The following WDR45B variants were observed in gnomAD, a reference collection of about 807,000 sequenced individuals.
WDR45B encodes the protein WD repeat domain 45B, also known as WD repeat domain phosphoinositide-interacting protein 3.
In WDR45B, 20 loss-of-function variants were observed where a neutral mutation model predicts 44.6. The observed-to-expected ratio is 0.45, with a 90% CI of 0.32 to 0.65. The LOEUF (loss-of-function observed/expected upper bound fraction) is 0.65. Among genes scored for constraint, WDR45B ranks in the 30% least tolerant of loss-of-function variants. The probability of loss-of-function intolerance (pLI) is 0.05; values close to 1 mark genes in which losing one functional copy is unlikely to be tolerated. For synonymous variants in WDR45B, 169 were observed against 164.9 expected, an observed-to-expected ratio of 1.02 and a Z score of -0.19; for missense variants, 323 against 430.2, an observed-to-expected ratio of 0.75 and a Z score of 2.20.
chr17:82,627,210 C>T lies in WDR45B; in HGVS notation c.326G>A (p.Arg109Gln), dbSNP rs2045708964. ...TTACTGACACCAAACCCACCTATCT[C>T]GCCGCAGCTTGACTGCCTTGACTTC... ...STEVKAVKLR[R>Q]DRIVVVLDSM... is the part of the protein sequence containing the mutation. The change falls in exon 4 of 10, where the codon CGA becomes CAA. Residue 109 changes from arginine (R) to glutamine (Q), a missense_variant. Transcript: ENST00000392325. 5 of 1,613,012 alleles carry T rather than the reference C, an allele frequency of 3.1e-6. No homozygotes were observed. The highest frequency in any genetic ancestry group is 1.1e-5 in the South Asian group (1 of 91,048).
chr17:82,624,542 G>A (rs1219798281), intron 5 of WDR45B, among the ~76,000 whole-genome samples: 5 of 151,986 alleles, frequency 3.3e-5, no homozygotes, highest in African/African-American at 1.2e-4. Context: ...TTACAGGCGT[G>A]AGCCACTGCG....
chr17:82,622,832 C>T (rs2045637048), intron 5 of WDR45B, among the ~76,000 whole-genome samples: 1 of 150,452 alleles, frequency 6.6e-6, no homozygotes, highest in Non-Finnish European at 1.5e-5. Context: ...AAGACAGAAA[C>T]ACAGATCAAT....
intron 2 of WDR45B, among the ~76,000 whole-genome samples, chr17:82,632,048 T>C (rs1490922111): frequency 2.0e-5 from 3 of 151,364 alleles, no homozygotes; most frequent in Non-Finnish European, 4.4e-5. Flanking sequence ...ACCACTGCAC[T>C]CCAGCCTGGT....
chr17:82,618,111 G>A (rs967204090), intron 7 of WDR45B, among the ~76,000 whole-genome samples: 2 of 152,070 alleles, frequency 1.3e-5, no homozygotes, highest in South Asian at 2.1e-4. Context: ...TGTATTTTTA[G>A]TAGAGATGGG....
At chr17:82,638,909 G>A (rs746890111) in intron 2 of WDR45B, among the ~76,000 whole-genome samples, 4 of 151,824 alleles carry the variant, frequency 2.6e-5, no homozygotes, top group Non-Finnish European at 5.9e-5. Flanking sequence ...TGTAACCTCC[G>A]CCTCCTGGGT....
chr17:82,628,513 A>C (rs918226220), intron 3 of WDR45B, among the ~76,000 whole-genome samples: 1 of 151,768 alleles, frequency 6.6e-6, no homozygotes, highest in Non-Finnish European at 1.5e-5. Context: ...CTGGGGTGTG[A>C]GATCGCTTGA....
intron 2 of WDR45B, among the ~76,000 whole-genome samples, chr17:82,631,328 G>C: frequency 7.6e-6 from 1 of 132,444 alleles, no homozygotes; most frequent in Non-Finnish European, 1.6e-5. Context: ...CTGTCACCCA[G>C]GCTAGAGTGC....
chr17:82,615,726 C>T lies in WDR45B; in HGVS notation c.*193G>A. On this transcript the variant is annotated 3_prime_UTR_variant, in exon 10 of 10. Transcript: ENST00000392325. ...CACAGCCACTGAGTTACCTACGGTG[C>T]CTTGATGATGATTCTCTCTTTAATA... is the stretch of plus-strand genomic sequence containing the variant. 1.6e-6 allele frequency: 1 copy of T among 613,282 alleles called. No homozygotes were observed. The highest frequency in any genetic ancestry group is 2.9e-6 in the Non-Finnish European group (1 of 342,056). The allele number at this position is 613,282 out of a possible 1,614,324, so 38.0% of individuals were successfully genotyped here.
Position 82,648,439 on chromosome 17 carries a change from G to T in WDR45B, c.-99C>A. On this transcript the variant is annotated 5_prime_UTR_variant, in exon 1 of 10. Transcript: ENST00000392325. ...GGCCGGCGCTGAGGCCGCCGCGGCC[G>T]GAAGTGCCGGACGTACGTGCGTGCG... 7.0e-7 allele frequency: 1 copy of T among 1,427,320 alleles called. No individual in the cohort carries two copies. Among genetic ancestry groups the T allele is most frequent in the Non-Finnish European group, 9.5e-7 (1 of 1,051,790 alleles). The allele number at this position is 1,427,320 out of a possible 1,614,324, so 88.4% of individuals were successfully genotyped here.
chr17:82,619,098 A>G lies in WDR45B; in HGVS notation c.649T>C (p.Ser217Pro). The G allele has an allele frequency of 1.2e-6, 2 of 1,614,240 alleles. No homozygotes were observed. The highest frequency in any genetic ancestry group is 1.7e-6 in the Non-Finnish European group (2 of 1,180,044). ...CGCAGTTCCTGGATTAAATGCCCTGATGAAGTATCAAATATTCTTATAAGC... is the reference window on the plus strand; with the variant it reads ...CGCAGTTCCTGGATTAAATGCCCTGGTGAAGTATCAAATATTCTTATAAGC... ...GTLIRIFDTS[S>P]GHLIQELRRG... Residue 217 changes from serine (S) to proline (P), a missense_variant, in exon 7 of 10, where the codon TCA becomes CCA. By Grantham distance (74) the Ser-to-Pro change is moderately conservative (BLOSUM62 -1). Transcript: ENST00000392325.
Position 82,615,802 on chromosome 17 carries a change from C to G in WDR45B, c.*117G>C. On this transcript the variant is annotated 3_prime_UTR_variant, in exon 10 of 10. Transcript: ENST00000392325. The stretch of plus-strand genomic sequence containing the variant: ...CAGACAACCACGTATGGCTTCGAGA[C>G]CAAGGTCCCTGGGCAGCCCCTCCAG... 1 of 910,468 alleles carries G rather than the reference C, an allele frequency of 1.1e-6. No individual in the cohort carries two copies. Among genetic ancestry groups the G allele is most frequent in the Non-Finnish European group, 1.8e-6 (1 of 553,236 alleles). 56.4% of individuals were successfully genotyped at this position (910,468 alleles called of 1,614,324 possible).
At chr17:82,639,991 G>A (rs886874111) in intron 2 of WDR45B, among the ~76,000 whole-genome samples, 7 of 151,892 alleles carry the variant, frequency 4.6e-5, no homozygotes, top group Non-Finnish European at 1.0e-4. Context: ...GGGTGGCTGG[G>A]CTGTGTGTGT....
chr17:82,615,790 A>T lies in WDR45B; in HGVS notation c.*129T>A. 1.2e-6 allele frequency: 1 copy of T among 805,582 alleles called. No individual in the cohort carries two copies. The highest frequency in any genetic ancestry group is 2.1e-6 in the Non-Finnish European group (1 of 466,308). 49.9% of individuals were successfully genotyped at this position (805,582 alleles called of 1,614,324 possible). A position where few individuals can be genotyped will look rare whatever the true frequency, so the allele number is the denominator to read the frequency against. ...TCCTTAGGAAAGCAGACAACCACGT[A>T]TGGCTTCGAGACCAAGGTCCCTGGG... On this transcript the variant is annotated 3_prime_UTR_variant, in exon 10 of 10. Transcript: ENST00000392325.
intron 5 of WDR45B, among the ~76,000 whole-genome samples, chr17:82,624,639 G>A (rs2045668749): frequency 8.6e-6 from 1 of 116,862 alleles, no homozygotes; most frequent in Non-Finnish European, 1.7e-5. Context: ...TTTTTTTTGA[G>A]ATAGAGTCTT....
intron 2 of WDR45B, among the ~76,000 whole-genome samples, chr17:82,635,612 G>A (rs2045822932): frequency 1.3e-5 from 2 of 151,264 alleles, no homozygotes; most frequent in African/African-American, 4.9e-5. Context: ...TAGTAGAGAC[G>A]GCGTTTCACC....
At chr17:82,639,420 T>G (rs1409308532) in intron 2 of WDR45B, among the ~76,000 whole-genome samples, 1 of 151,978 alleles carries the variant, frequency 6.6e-6, no homozygotes, top group African/African-American at 2.4e-5. Context: ...CTTGCCAAAT[T>G]ACTCCACAAG....
intron 2 of WDR45B, 112 bp from the exon 3 acceptor site, chr17:82,631,134 A>G: frequency 5.8e-6 from 6 of 1,033,896 alleles, no homozygotes; most frequent in South Asian, 1.3e-5. Flanking sequence ...TATTTTTTGT[A>G]AGAGACAAGA....
chr17:82,619,446 C>T (rs1274898915), intron 6 of WDR45B, among the ~76,000 whole-genome samples: 1 of 152,066 alleles, frequency 6.6e-6, no homozygotes, highest in Admixed American at 6.5e-5. Context: ...CACCCAGGCC[C>T]AGGCTCCCTG....
At chr17:82,635,431 T>G (rs1200358742) in intron 2 of WDR45B, among the ~76,000 whole-genome samples, 3 of 151,100 alleles carry the variant, frequency 2.0e-5, no homozygotes, top group African/African-American at 4.9e-5. Flanking sequence ...TTCAGGTTTT[T>G]TTTTTTTTTT....
Sources: allele counts gnomAD v4.1 joint callset (sites outside exome capture counted in the v4.1 genomes callset), GRCh38; gene constraint gnomAD v4.1.1; transcripts MANE v1.5; gene names NCBI Gene and HGNC (gene_info 2026-07-23, HGNC 2026-07-21).